Variants in NR2F6 observed in about 807,000 individuals in gnomAD.
NR2F6 encodes nuclear receptor subfamily 2 group F member 6, also known as ERBA-related gene-2.
NR2F6 carries 16 observed loss-of-function variants against 26.5 expected under a neutral mutation model. That is an observed-to-expected ratio of 0.60 (90% CI 0.41 to 0.92). The LOEUF (loss-of-function observed/expected upper bound fraction) is 0.92. NR2F6 is among the 40% of genes least tolerant of loss of function. The pLI is 0.00. For missense variants in NR2F6, 536 were observed against 631.7 expected, an observed-to-expected ratio of 0.85 and a Z score of 1.62; for synonymous variants, 325 against 305.0, an observed-to-expected ratio of 1.07 and a Z score of -0.68.
At position 17,235,718 on chromosome 19, in the gene NR2F6, C is replaced by G; in HGVS notation, c.721G>C (p.Glu241Gln). 6.7e-7 allele frequency: 1 copy of G among 1,500,128 alleles called. No homozygotes were observed. Among genetic ancestry groups the G allele is most frequent in the Non-Finnish European group, 8.8e-7 (1 of 1,133,682 alleles). 92.9% of individuals were successfully genotyped at this position (1,500,128 alleles called of 1,614,324 possible). ...TGCGCCGCGTTCAGCACGAAGAGCT[C>G]GCTCCAGCTCAGGCGCAGCAGCGCC... ...QVALLRLSWS[E>Q]LFVLNAAQAA... is the part of the protein sequence containing the mutation. Residue 241 changes from glutamate (E) to glutamine (Q), a missense_variant, in exon 3 of 4, where the codon GAG becomes CAG. By Grantham distance (29) the Glu-to-Gln change is conservative. Transcript: ENST00000291442. The surrounding 1 kb of genome is among the most constrained non-coding windows in gnomAD (Gnocchi z 5.0).
chr19:17,242,965 C>T (rs764500571), intron 1 of NR2F6, among the ~76,000 whole-genome samples: 3 of 152,226 alleles, frequency 2.0e-5, no homozygotes, highest in Non-Finnish European at 2.9e-5. Flanking sequence ...AGAGCCCTCT[C>T]CTGCTCACAC....
rs1458693066 is a variant in NR2F6, at chr19:17,240,044, G to A, written c.373+627C>T. 2.6e-5 allele frequency among the ~76,000 whole-genome samples: 4 copies of A among 152,084 alleles called. No individual in the cohort carries two copies. In the South Asian group the frequency reaches 6.2e-4, roughly 24 times the overall value. Reference sequence around the variant, plus strand: ...TTCTACTTGAATTCTAAGGGGGTTTGGCAGAGTTCTAGGCCCAGCAGCCCA... The same window carrying A: ...TTCTACTTGAATTCTAAGGGGGTTTAGCAGAGTTCTAGGCCCAGCAGCCCA... On this transcript the variant is annotated intron_variant, in intron 2 of 3. Transcript: ENST00000291442.
rs2073463879 is a variant in NR2F6, at chr19:17,240,609, G to A, written c.373+62C>T. On this transcript the variant is annotated intron_variant, in intron 2 of 3. Transcript: ENST00000291442. ...AGGGGAAAAAGGGGAGGAAGAAGCT[G>A]TTTGTTCACCCCGGCTCCAGCGGCT... 7 of 1,550,362 alleles carry A rather than the reference G, an allele frequency of 4.5e-6. No homozygotes were observed. The Admixed American group carries it at 6.7e-5, about 15-fold the overall frequency.
chr19:17,241,256 G>A (rs1173145078), intron 1 of NR2F6, among the ~76,000 whole-genome samples: 1 of 152,220 alleles, frequency 6.6e-6, no homozygotes, highest in Non-Finnish European at 1.5e-5. Flanking sequence ...CCAGGGGCTA[G>A]TGGTCTGTGG....
In NR2F6 at chr19:17,235,780, G is replaced by A. The variant is rs1330815599; in HGVS notation, c.659C>T (p.Ala220Val). Residue 220 changes from alanine to valine, a missense_variant, in exon 3 of 4, where the codon GCG becomes GTG. Ala to Val is a moderately conservative substitution (Grantham distance 64). Transcript: ENST00000291442. The surrounding 1 kb of genome is among the most constrained non-coding windows in gnomAD (Gnocchi z 5.0). Reference sequence around the variant, plus strand: ...CACCGGCAGCTCGGGGAAGAAGGGCGCGTGGCGCGCCCACTCCACGGTGCT... The same window carrying A: ...CACCGGCAGCTCGGGGAAGAAGGGCACGTGGCGCGCCCACTCCACGGTGCT... ...LFSTVEWARH[A>V]PFFPELPVAD... The A allele has an allele frequency of 1.3e-6, 2 of 1,496,644 alleles. No homozygotes were observed. Among genetic ancestry groups the A allele is most frequent in the African/African-American group, 1.5e-5 (1 of 68,570 alleles). 92.7% of individuals were successfully genotyped at this position (1,496,644 alleles called of 1,614,324 possible).
At chr19:17,233,943 GGCCAGGC>G (rs1221361877) in intron 3 of NR2F6, among the ~76,000 whole-genome samples, 1 of 152,134 alleles carries the variant, frequency 6.6e-6, no homozygotes, top group Non-Finnish European at 1.5e-5. Flanking sequence ...AATCTGGGAA[GGCCAGGC>G]GCGGTGGCTC....
chr19:17,240,573 G>T, intron 2 of NR2F6, 98 bp downstream of exon 2: 3 of 1,125,182 alleles, frequency 2.7e-6, no homozygotes, highest in Non-Finnish European at 3.9e-6. Context: ...TGAAAGGGAG[G>T]GGTGAAAGGG....
At chr19:17,234,222 CAA>C (rs1277277620) in intron 3 of NR2F6, among the ~76,000 whole-genome samples, 12 of 89,118 alleles carry the variant, frequency 1.3e-4, no homozygotes, top group Non-Finnish European at 1.2e-4. Flanking sequence ...GACTCCGTCT[CAA>C]AAAAAAAAAA....
At chr19:17,240,869 G>A in intron 1 of NR2F6, 104 bp from the exon 2 acceptor site, 2 of 1,117,434 alleles carry the variant, frequency 1.8e-6, no homozygotes, top group Non-Finnish European at 2.6e-6. Context: ...ATACTAGTAG[G>A]GGCCCTCTAG....
rs1409319549 is a variant in NR2F6 at position 17,244,931 on chromosome 19, T to TG, written c.278+11dup. ...GGGGTGCACGGCGGCGGCGCGCGGA[T>TG]GGGGGGCTCACCGGCAGGTGTAGCT... On this transcript the variant is annotated intron_variant, in intron 1 of 3. Coordinates refer to ENST00000291442, the MANE Select transcript of NR2F6 (RefSeq NM_005234.4). The TG allele has an allele frequency of 4.9e-5, 77 of 1,561,964 alleles. No individual in the cohort carries two copies. Among genetic ancestry groups the TG allele is most frequent in the Non-Finnish European group, 6.3e-5 (73 of 1,153,922 alleles).
chr19:17,236,792 G>A (rs118166873), intron 2 of NR2F6, among the ~76,000 whole-genome samples: 1 of 131,712 alleles, frequency 7.6e-6, no homozygotes, highest in African/African-American at 3.4e-5. Context: ...CAGTAAGGAG[G>A]GGTCCCAGGG....
chr19:17,238,497 A>C (rs4808610), intron 2 of NR2F6, among the ~76,000 whole-genome samples: 149,701 of 152,310 alleles, frequency 0.98, 73,593 homozygotes, highest in East Asian at 1. Flanking sequence ...CGTGCAAAGG[A>C]CCCGAGGCAG....
At chr19:17,240,551 C>G (rs1342301419) in intron 2 of NR2F6, 120 bp downstream of exon 2, 1 of 1,102,614 alleles carries the variant, frequency 9.1e-7, no homozygotes, top group Non-Finnish European at 1.4e-6. Flanking sequence ...CTGTGAGGCA[C>G]CCAGACCCCT....
rs1468336296 is a variant in NR2F6 at position 17,235,022 on chromosome 19, A to T, written c.940+477T>A. ...GGAGGGGCCTCCGAGCCACGCCCCT[A>T]CCCAGATCCCTACAACCCTGGCTAC... On this transcript the variant is annotated intron_variant, in intron 3 of 3. Transcript: ENST00000291442. This position sits in a 1 kb window ranked among gnomAD's most constrained non-coding sequence, Gnocchi z 5.0. 6.6e-6 allele frequency among the ~76,000 whole-genome samples: 1 copy of T among 152,184 alleles called. No homozygotes were observed. The highest frequency in any genetic ancestry group is 1.9e-4 in the East Asian group (1 of 5,194).
In NR2F6 at chr19:17,235,222, G is replaced by A. The variant is rs2073429089; in HGVS notation, c.940+277C>T. On this transcript the variant is annotated intron_variant, in intron 3 of 3. Transcript: ENST00000291442. This position sits in a 1 kb window ranked among gnomAD's most constrained non-coding sequence, Gnocchi z 5.0. ...CCTGGGAACAGGAAGAGGGTTCTGG[G>A]GTCTGGGCCCTGGTCCTGGCCCAGC... Among the ~76,000 whole-genome samples, 1 of 152,220 alleles carries A rather than the reference G, an allele frequency of 6.6e-6. No individual in the cohort carries two copies. The highest frequency in any genetic ancestry group is 2.4e-5 in the African/African-American group (1 of 41,472).
chr19:17,232,510 G>A lies in NR2F6; in HGVS notation c.1057C>T (p.Leu353=), dbSNP rs751507543. 1.2e-6 allele frequency: 2 copies of A among 1,611,340 alleles called. No homozygotes were observed. Among genetic ancestry groups the A allele is most frequent in the Non-Finnish European group, 1.7e-6 (2 of 1,178,914 alleles). Residue 353 remains leucine (L), a synonymous_variant, in exon 4 of 4, where the codon CTG becomes TTG. Transcript: ENST00000291442. ...CGCAGGGCGGGGAGCCGCAGCAGCA[G>A]GCGCCCGAAGCGCTGGGGCTGGGAC... The part of the protein sequence containing the change: ...YPSQPQRFGR[L]LLRLPALRAV...
intron 2 of NR2F6, among the ~76,000 whole-genome samples, chr19:17,237,795 C>T (rs1040563536): frequency 1.3e-5 from 2 of 152,198 alleles, no homozygotes; most frequent in African/African-American, 4.8e-5. Flanking sequence ...CCAATCACAA[C>T]TCTGTTGCTC....
intron 1 of NR2F6, among the ~76,000 whole-genome samples, chr19:17,242,842 A>C (rs978280101): frequency 6.6e-6 from 1 of 152,156 alleles, no homozygotes; most frequent in Non-Finnish European, 1.5e-5. Flanking sequence ...CCAAGGAGGG[A>C]AACAGTTAAG....
chr19:17,243,489 T>C (rs1268185736), intron 1 of NR2F6, among the ~76,000 whole-genome samples: 1 of 149,172 alleles, frequency 6.7e-6, no homozygotes, highest in Non-Finnish European at 1.5e-5. Flanking sequence ...TGCTGCTCCC[T>C]GACACCACCC....
Sources: gnomAD v4.1 joint callset for allele counts (sites outside exome capture counted in the v4.1 genomes callset) on GRCh38, gnomAD v4.1.1 for gene constraint, Gnocchi (gnomAD v3.1) non-coding constraint, MANE v1.5 for transcripts, NCBI Gene and HGNC (gene_info 2026-07-23, HGNC 2026-07-21) for gene names.